HSD17B13: variants seen among roughly 807,000 people sequenced by gnomAD.
HSD17B13 encodes hydroxysteroid 17-beta dehydrogenase 13.
A neutral mutation model predicts 31.1 loss-of-function variants in HSD17B13; 26 were observed. The ratio of observed to expected loss-of-function variants is 0.84; its 90% CI spans 0.61 to 1.16. HSD17B13 has a LOEUF of 1.16. Ranked by LOEUF, HSD17B13 falls within the 50% of genes most tolerant of loss-of-function variation. The pLI, the probability that HSD17B13 is intolerant of heterozygous loss-of-function variation, is 0.00. For synonymous variants in HSD17B13, 141 were observed against 133.7 expected (o/e 1.05, Z -0.38); for missense variants, 374 against 366.5 (o/e 1.02, Z -0.17).
intron 5 of HSD17B13, among the ~76,000 whole-genome samples, chr4:87,311,261 A>G (rs1734524808): frequency 6.6e-6 from 1 of 152,184 alleles, no homozygotes; most frequent in Non-Finnish European, 1.5e-5. Flanking sequence ...AAGTAACTCT[A>G]AATACCCTTG....
Position 87,310,265 on chromosome 4 carries a change from T to C in HSD17B13, c.790A>G (p.Asn264Asp). The change falls in exon 6 of 7, where the codon AAT becomes GAT. Residue 264 changes from asparagine (N) to aspartate (D), a missense_variant. Asn to Asp is a conservative substitution (Grantham distance 23). Transcript: ENST00000328546. ...TACTTCTGTAGTCTCAGAAAGATAT[T>C]GATATACGATGGAACAAAAATCATT... ...KKMIFVPSYI[N>D]IFLRLQKFLP... is the part of the protein sequence containing the mutation. The C allele has an allele frequency of 6.4e-7, 1 of 1,574,000 alleles. No individual in the cohort carries two copies.
intron 6 of HSD17B13, among the ~76,000 whole-genome samples, chr4:87,306,266 G>A (rs1037308716): frequency 6.6e-6 from 1 of 152,150 alleles, no homozygotes; most frequent in Non-Finnish European, 1.5e-5. Flanking sequence ...CTGAAGGTCT[G>A]AGCTCATTGC....
Position 87,313,934 on chromosome 4 carries a change from A to G in HSD17B13, c.584T>C (p.Phe195Ser), listed in dbSNP as rs1018465850. Reference sequence around the variant, plus strand: ...AAGTTCTGATGTCAGACCTCTGTGAAAGCCAACAGCGGCAAATTTGCTGGA... The same window carrying G: ...AAGTTCTGATGTCAGACCTCTGTGAGAGCCAACAGCGGCAAATTTGCTGGA... ...YCSSKFAAVGFHRGLTSELQA... is the reference protein window; with the variant it reads ...YCSSKFAAVGSHRGLTSELQA... The change falls in exon 5 of 7, where the codon TTT (phenylalanine) becomes TCT (serine). Residue 195 changes from phenylalanine to serine, a missense_variant. By Grantham distance (155) the Phe-to-Ser change is radical. Transcript: ENST00000328546. The G allele has an allele frequency of 3.2e-6, 5 of 1,579,074 alleles. No individual in the cohort carries two copies. In the African/African-American group the frequency reaches 7.0e-5, roughly 22 times the overall value.
Position 87,322,720 on chromosome 4 carries a change from A to G in HSD17B13, c.122T>C (p.Ile41Thr). ...RKSVAGEIVLITGAGHGIGRQ... is the reference protein window; with the variant it reads ...RKSVAGEIVLTTGAGHGIGRQ... ...GCCTATTCCATGCCCAGCTCCAGTA[A>G]TGAGAACAATCTCCCCAGCCACAGA... Residue 41 changes from isoleucine to threonine, a missense_variant, in exon 1 of 7, where the codon ATT becomes ACT. Physicochemically the swap from Ile to Thr is moderately conservative, Grantham distance 89. Coordinates refer to ENST00000328546, the MANE Select transcript of HSD17B13 (RefSeq NM_178135.5). 6.2e-7 allele frequency: 1 copy of G among 1,614,162 alleles called. No individual in the cohort carries two copies. The highest frequency in any genetic ancestry group is 8.5e-7 in the Non-Finnish European group (1 of 1,180,024).
Position 87,318,364 on chromosome 4 carries a change from T to G in HSD17B13, c.283A>C (p.Ser95Arg), listed in dbSNP as rs147558643. 103 of 1,614,034 alleles carry G rather than the reference T, an allele frequency of 6.4e-5. No homozygotes were observed. Among genetic ancestry groups the G allele is most frequent in the Non-Finnish European group, 7.5e-5 (89 of 1,179,964 alleles). ...VTAHAYVVDC[S>R]NREEIYRSLN... ...GAGCGATAGATCTCTTCTCTGTTGC[T>G]GCAGTCTACCACATACGCATGCGCA... Residue 95 changes from serine to arginine, a missense_variant, in exon 2 of 7, where the codon AGC becomes CGC. Physicochemically the swap from Ser to Arg is moderately radical, Grantham distance 110 (BLOSUM62 -1). Transcript: ENST00000328546.
At chr4:87,312,706 G>A (rs1314989012) in intron 5 of HSD17B13, among the ~76,000 whole-genome samples, 11 of 150,724 alleles carry the variant, frequency 7.3e-5, no homozygotes, top group Non-Finnish European at 1.2e-4. Flanking sequence ...ATTTTTTTGT[G>A]TTTTTTAGTA....
At chr4:87,311,561 G>A (rs1734530833) in intron 5 of HSD17B13, among the ~76,000 whole-genome samples, 1 of 152,108 alleles carries the variant, frequency 6.6e-6, no homozygotes, top group African/African-American at 2.4e-5. Context: ...TATACTGAAG[G>A]CTGTGTACAT....
chr4:87,320,870 G>T lies in HSD17B13; in HGVS notation c.210+1762C>A, dbSNP rs182764354. Among the ~76,000 whole-genome samples, 23 of 152,256 alleles carry T rather than the reference G, an allele frequency of 1.5e-4. No individual in the cohort carries two copies. The East Asian group carries it at 3.7e-3, about 24-fold the overall frequency. On this transcript the variant is annotated intron_variant, in intron 1 of 6. Coordinates refer to ENST00000328546, the MANE Select transcript of HSD17B13 (RefSeq NM_178135.5). ...TCTCTCATCTCACAGGGCAAAAGGAGCCAGTTATGATGAAAACTCAGCCAG... is the reference window on the plus strand; with the variant it reads ...TCTCTCATCTCACAGGGCAAAAGGATCCAGTTATGATGAAAACTCAGCCAG...
At chr4:87,316,449 T>C (rs969443305) in intron 3 of HSD17B13, among the ~76,000 whole-genome samples, 2 of 152,134 alleles carry the variant, frequency 1.3e-5, no homozygotes, top group South Asian at 2.1e-4. Context: ...TCTTCTAGAA[T>C]CCAGATCTGC....
At chr4:87,305,775 GC>G (rs779745618) in intron 6 of HSD17B13, among the ~76,000 whole-genome samples, 1 of 152,152 alleles carries the variant, frequency 6.6e-6, no homozygotes, top group Non-Finnish European at 1.5e-5. Context: ...TCTGCTGCAA[GC>G]CCAAGGCAGA....
rs1437978534 is a variant in HSD17B13, at chr4:87,304,092, G to C, written c.*1126C>G. On this transcript the variant is annotated 3_prime_UTR_variant, in exon 7 of 7. Transcript: ENST00000328546. Reference sequence around the variant, plus strand: ...TGGGAGGCCGAGGCAGGTGGATCACGAGGTCAGGAGATCGAGACCATCTTG... The same window carrying C: ...TGGGAGGCCGAGGCAGGTGGATCACCAGGTCAGGAGATCGAGACCATCTTG... 1 of 151,754 alleles carries C rather than the reference G, an allele frequency of 6.6e-6. No individual in the cohort carries two copies. The highest frequency in any genetic ancestry group is 6.6e-5 in the Admixed American group (1 of 15,240). 9.4% of individuals were successfully genotyped at this position (151,754 alleles called of 1,614,324 possible). A position where few individuals can be genotyped will look rare whatever the true frequency, so the allele number is the denominator to read the frequency against.
chr4:87,307,177 T>C (rs1734409028), intron 6 of HSD17B13, among the ~76,000 whole-genome samples: 1 of 151,928 alleles, frequency 6.6e-6, no homozygotes, highest in Non-Finnish European at 1.5e-5. Flanking sequence ...ATGCTAGTAA[T>C]TGCATCTGCT....
At chr4:87,310,810 C>T (rs1156930693) in intron 5 of HSD17B13, among the ~76,000 whole-genome samples, 1 of 152,110 alleles carries the variant, frequency 6.6e-6, no homozygotes, top group Non-Finnish European at 1.5e-5. Flanking sequence ...GTCATTTTGT[C>T]AGAGGCGTTT....
Position 87,322,745 on chromosome 4 carries a change from A to T in HSD17B13, c.97T>A (p.Ser33Thr), listed in dbSNP as rs535092394. 11 of 1,613,962 alleles carry T rather than the reference A, an allele frequency of 6.8e-6. No homozygotes were observed. The Admixed American group carries it at 1.5e-4, about 22-fold the overall frequency. Reference protein sequence around the residue: ...VKFFIPQRRKSVAGEIVLITG... With the variant: ...VKFFIPQRRKTVAGEIVLITG... ...ATGAGAACAATCTCCCCAGCCACAG[A>T]TTTTCTCCTCTGAGGAATGAAAAAC... The change falls in exon 1 of 7, where the codon TCT becomes ACT. Residue 33 changes from serine (S) to threonine (T), a missense_variant. By Grantham distance (58) the Ser-to-Thr change is moderately conservative. Transcript: ENST00000328546.
chr4:87,311,366 G>A (rs960709502), intron 5 of HSD17B13, among the ~76,000 whole-genome samples: 4 of 152,114 alleles, frequency 2.6e-5, no homozygotes, highest in African/African-American at 9.7e-5. Flanking sequence ...CTGTGGCCTT[G>A]CCCCGAATTA....
chr4:87,315,958 T>C (rs893722055), intron 3 of HSD17B13, among the ~76,000 whole-genome samples: 1 of 152,158 alleles, frequency 6.6e-6, no homozygotes, highest in Non-Finnish European at 1.5e-5. Context: ...TTTTTTGGTT[T>C]GGGGCTTTAT....
intron 5 of HSD17B13, 75 bp downstream of exon 5, chr4:87,313,748 G>A: frequency 2.4e-6 from 3 of 1,237,434 alleles, no homozygotes; most frequent in Admixed American, 4.2e-5. Flanking sequence ...TAGTTGGCCT[G>A]CCTAAACATT....
chr4:87,320,612 C>T (rs1414107328), intron 1 of HSD17B13, among the ~76,000 whole-genome samples: 4 of 152,126 alleles, frequency 2.6e-5, no homozygotes, highest in East Asian at 1.9e-4. Flanking sequence ...TGGTCTCGAT[C>T]TCCTGACCTC....
intron 1 of HSD17B13, among the ~76,000 whole-genome samples, chr4:87,322,104 C>T (rs1315449505): frequency 2.0e-5 from 3 of 152,190 alleles, no homozygotes; most frequent in African/African-American, 7.2e-5. Flanking sequence ...TGCCACGTAT[C>T]GTTTATCATA....
Sources: allele counts gnomAD v4.1 joint callset (sites outside exome capture counted in the v4.1 genomes callset), GRCh38; gene constraint gnomAD v4.1.1; transcripts MANE v1.5; gene names NCBI Gene and HGNC (gene_info 2026-07-23, HGNC 2026-07-21).